Variants in PRKN observed in about 807,000 individuals in gnomAD.
PRKN encodes the protein parkin RBR E3 ubiquitin protein ligase.
Under a neutral mutation model 59.5 loss-of-function variants are expected in PRKN, and 56 were observed. That is an observed-to-expected ratio of 0.94 (90% confidence interval 0.76 to 1.18). PRKN has a LOEUF of 1.18. PRKN is among the 50% of genes most tolerant of loss of function. The pLI is 0.00. For synonymous variants in PRKN, 250 were observed against 222.1 expected (o/e 1.13, Z -1.12); for missense variants, 657 against 596.4 (o/e 1.10, Z -1.06).
intron 1 of PRKN, among the ~76,000 whole-genome samples, chr6:162,629,801 A>G (rs993640968): frequency 1.3e-5 from 2 of 152,182 alleles, no homozygotes; most frequent in African/African-American, 4.8e-5. Flanking sequence ...TTAAATCTGA[A>G]TTTTGTCACA....
In PRKN at chr6:161,786,044, A is replaced by G. The variant is rs1790407592; in HGVS notation, c.735-136T>C. ...GCAAAGACCGGAGCTGCTAAGCATTAAGCTCATGTATACCAACACAACATC... is the reference window on the plus strand; with the variant it reads ...GCAAAGACCGGAGCTGCTAAGCATTGAGCTCATGTATACCAACACAACATC... On this transcript the variant is annotated intron_variant, in intron 6 of 11. Transcript: ENST00000366898. 2.1e-5 allele frequency: 17 copies of G among 819,540 alleles called. No homozygotes were observed. The Admixed American group carries it at 3.4e-4, about 16-fold the overall frequency. 50.8% of individuals were successfully genotyped at this position (819,540 alleles called of 1,614,324 possible). A position where few individuals can be genotyped will look rare whatever the true frequency, so the allele number is the denominator to read the frequency against.
At chr6:162,320,605 T>G (rs558281659) in intron 2 of PRKN, among the ~76,000 whole-genome samples, 20 of 151,694 alleles carry the variant, frequency 1.3e-4, no homozygotes, top group African/African-American at 4.8e-4. Flanking sequence ...TTTCAAGAAT[T>G]GGCCAGGATA....
intron 7 of PRKN, among the ~76,000 whole-genome samples, chr6:161,572,651 ACT>A (rs1453509724): frequency 7.0e-6 from 1 of 143,426 alleles, no homozygotes; most frequent in East Asian, 2.1e-4. Flanking sequence ...CAACAGCAAG[ACT>A]CTGTCTCAAT....
chr6:161,398,311 C>T (rs180863085), intron 9 of PRKN, among the ~76,000 whole-genome samples: 1 of 152,230 alleles, frequency 6.6e-6, no homozygotes, highest in African/African-American at 2.4e-5. Flanking sequence ...AAGGGACGCC[C>T]ATCCATGTTG....
intron 2 of PRKN, among the ~76,000 whole-genome samples, chr6:162,422,287 T>C (rs1308271282): frequency 6.6e-6 from 1 of 152,220 alleles, no homozygotes; most frequent in Non-Finnish European, 1.5e-5. Context: ...ATATAAAAAC[T>C]TCTGGTCCAA....
chr6:162,314,137 T>C (rs1383896331), intron 2 of PRKN, among the ~76,000 whole-genome samples: 1 of 152,062 alleles, frequency 6.6e-6, no homozygotes, highest in Non-Finnish European at 1.5e-5. Context: ...AGAGTTCCCA[T>C]GCAGAATTAA....
chr6:162,384,986 AT>A (rs1352186551), intron 2 of PRKN, among the ~76,000 whole-genome samples: 1 of 152,152 alleles, frequency 6.6e-6, no homozygotes, highest in East Asian at 1.9e-4. Flanking sequence ...GCCTATGTTT[AT>A]ATCACAGTAA....
At chr6:162,576,912 A>G (rs1001251467) in intron 1 of PRKN, among the ~76,000 whole-genome samples, 3 of 152,152 alleles carry the variant, frequency 2.0e-5, no homozygotes, top group Non-Finnish European at 4.4e-5. Flanking sequence ...CTTAGTGACT[A>G]AAGATTTACC....
chr6:162,184,851 T>C (rs760561913), intron 4 of PRKN, among the ~76,000 whole-genome samples: 33 of 152,284 alleles, frequency 2.2e-4, no homozygotes, highest in African/African-American at 7.7e-4. Flanking sequence ...ATATAAACCT[T>C]TGAGAAACTT....
chr6:162,380,861 C>CTG (rs1196259640), intron 2 of PRKN, among the ~76,000 whole-genome samples: 17 of 152,046 alleles, frequency 1.1e-4, no homozygotes, highest in African/African-American at 3.4e-4. Context: ...GTTTAAGAGT[C>CTG]TGTATCACTG....
chr6:161,494,995 G>A (rs1281162277), intron 9 of PRKN, among the ~76,000 whole-genome samples: 3 of 152,086 alleles, frequency 2.0e-5, no homozygotes, highest in South Asian at 2.1e-4. Flanking sequence ...AATAAAATGC[G>A]AGCCACACAT....
chr6:162,650,696 C>A (rs1159067342), intron 1 of PRKN, among the ~76,000 whole-genome samples: 1 of 151,978 alleles, frequency 6.6e-6, no homozygotes, highest in Non-Finnish European at 1.5e-5. Flanking sequence ...GGTATGATCT[C>A]AAGAGTGAGA....
At chr6:161,866,996 C>A (rs2128225861) in intron 6 of PRKN, among the ~76,000 whole-genome samples, 1 of 152,264 alleles carries the variant, frequency 6.6e-6, no homozygotes, top group Admixed American at 6.5e-5. Flanking sequence ...TCTCTATTAG[C>A]TGGTGACTCA....
intron 3 of PRKN, among the ~76,000 whole-genome samples, chr6:162,237,544 C>A (rs1197872748): frequency 6.6e-6 from 1 of 152,172 alleles, no homozygotes; most frequent in East Asian, 1.9e-4. Flanking sequence ...ACAACAAAGG[C>A]AGCCGAATGG....
chr6:162,384,496 C>T (rs757852812), intron 2 of PRKN, among the ~76,000 whole-genome samples: 1 of 151,928 alleles, frequency 6.6e-6, no homozygotes, highest in African/African-American at 2.4e-5. Context: ...CAAAGATCAC[C>T]GCTCACAGAT....
rs758219154 is a variant in PRKN at position 161,377,115 on chromosome 6, C to T, written c.1167+9679G>A. On this transcript the variant is annotated intron_variant, in intron 10 of 11. Transcript: ENST00000366898. This position sits in a 1 kb window ranked among gnomAD's most constrained non-coding sequence, Gnocchi z 4.2. The stretch of plus-strand genomic sequence containing the variant: ...GTGTCTGTGGAGGGAAAAGAGGTCA[C>T]GTGGGGCTACCTGCGGGCCAATAAG... Among the ~76,000 whole-genome samples, 3 of 152,296 alleles carry T rather than the reference C, an allele frequency of 2.0e-5. No homozygotes were observed. The highest frequency in any genetic ancestry group is 2.1e-4 in the South Asian group (1 of 4,816).
chr6:162,387,593 G>C (rs1470549013), intron 2 of PRKN, among the ~76,000 whole-genome samples: 2 of 146,210 alleles, frequency 1.4e-5, no homozygotes, highest in Non-Finnish European at 3.0e-5. Context: ...GAGAGAGAGA[G>C]AGAGAGAGAG....
Position 162,225,904 on chromosome 6 carries a change from A to ATATATATATATG in PRKN, c.413-24653_413-24652insCATATATATATA, listed in dbSNP as rs916881913. ...TAGGGCTGTATATATATATATATAT[A>ATATATATATATG]TACTTTTGTTATATATTTATACTTC... On this transcript the variant is annotated intron_variant, in intron 3 of 11. Coordinates refer to ENST00000366898, the MANE Select transcript of PRKN (RefSeq NM_004562.3). 6.7e-5 allele frequency among the ~76,000 whole-genome samples: 10 copies of ATATATATATATG among 148,884 alleles called. No homozygotes were observed. In the South Asian group the frequency reaches 2.1e-3, roughly 31 times the overall value.
intron 1 of PRKN, among the ~76,000 whole-genome samples, chr6:162,629,042 T>C (rs1466227553): frequency 6.6e-6 from 1 of 152,154 alleles, no homozygotes; most frequent in African/African-American, 2.4e-5. Flanking sequence ...TTAATCTGGA[T>C]AATGATCCAT....
Sources: allele counts gnomAD v4.1 joint callset (sites outside exome capture counted in the v4.1 genomes callset), GRCh38; gene constraint gnomAD v4.1.1; non-coding constraint Gnocchi (gnomAD v3.1); transcripts MANE v1.5; gene names NCBI Gene and HGNC (gene_info 2026-07-23, HGNC 2026-07-21).